Variants in PDE8B observed in about 807,000 individuals in gnomAD.
PDE8B encodes the protein high affinity cAMP-specific and IBMX-insensitive 3',5'-cyclic phosphodiesterase 8B.
Under a neutral mutation model 101.3 loss-of-function variants are expected in PDE8B, and 26 were observed. The observed-to-expected ratio is 0.26, with a 90% CI of 0.19 to 0.36. The LOEUF (loss-of-function observed/expected upper bound fraction) is 0.36, where lower values mean the gene tolerates loss of function less well. PDE8B is among the 10% of genes least tolerant of loss of function. The pLI is 1.00. For synonymous variants in PDE8B, 424 were observed against 429.3 expected (o/e 0.99, Z 0.15); for missense variants, 810 against 1,163.1 (o/e 0.70, Z 4.42).
the PDE8B span, among the ~76,000 whole-genome samples, chr5:77,135,546 G>A: frequency 8.8e-4 from 129 of 145,942 alleles, 4 homozygotes; most frequent in South Asian, 0.027. Flanking sequence ...GCACGATCTC[G>A]GCTCATTGCA....
the PDE8B span, among the ~76,000 whole-genome samples, chr5:77,161,294 T>C: frequency 1.2e-4 from 19 of 152,342 alleles, no homozygotes; most frequent in African/African-American, 4.3e-4. Flanking sequence ...TGAAATAATA[T>C]AATACATACT....
intron 1 of PDE8B, among the ~76,000 whole-genome samples, chr5:77,216,928 G>C (rs1480886345): frequency 2.6e-5 from 4 of 152,178 alleles, no homozygotes; most frequent in Non-Finnish European, 5.9e-5. Flanking sequence ...CAGGCAATAA[G>C]AGATGTTCAG....
chr5:77,248,040 G>C (rs541716627), intron 1 of PDE8B, among the ~76,000 whole-genome samples: 1 of 152,236 alleles, frequency 6.6e-6, no homozygotes, highest in Non-Finnish European at 1.5e-5. Flanking sequence ...AGCCAGGCCT[G>C]TTCATCCCCC....
At chr5:77,208,585 C>T (rs1747695548), upstream of PDE8B, among the ~76,000 whole-genome samples, 1 of 152,200 alleles carries the variant, frequency 6.6e-6, no homozygotes, top group Non-Finnish European at 1.5e-5. Context: ...ATATCTCAGT[C>T]TCAGCCATTT....
intron 11 of PDE8B, among the ~76,000 whole-genome samples, chr5:77,402,382 G>C (rs1057100358): frequency 3.9e-5 from 6 of 152,096 alleles, no homozygotes; most frequent in Admixed American, 1.3e-4. Flanking sequence ...TTAAGATAAG[G>C]TGCTATAGCT....
chr5:77,183,932 A>C, the PDE8B span, among the ~76,000 whole-genome samples: 1 of 151,694 alleles, frequency 6.6e-6, no homozygotes, highest in East Asian at 1.9e-4. Context: ...GGGTGGAATT[A>C]TTATGTGAAA....
Position 77,211,364 on chromosome 5 carries a change from G to A in PDE8B, c.339+100G>A, listed in dbSNP as rs541188344. On this transcript the variant is annotated intron_variant, in intron 1 of 21. Transcript: ENST00000264917. The surrounding 1 kb of genome is among the most constrained non-coding windows in gnomAD (Gnocchi z 4.1). Reference sequence around the variant, plus strand: ...CGGCGGAGTTGGGTGACCGTGAGGCGGTTGGTTTGGAGAGGTTGTCACTAA... The same window carrying A: ...CGGCGGAGTTGGGTGACCGTGAGGCAGTTGGTTTGGAGAGGTTGTCACTAA... The A allele has an allele frequency of 2.6e-6, 3 of 1,174,426 alleles. No individual in the cohort carries two copies. In the East Asian group the frequency reaches 8.4e-5, roughly 33 times the overall value. The allele number at this position is 1,174,426 out of a possible 1,614,324, so 72.8% of individuals were successfully genotyped here. A position where few individuals can be genotyped will look rare whatever the true frequency, so the allele number is the denominator to read the frequency against.
chr5:77,300,581 A>G lies in PDE8B; in HGVS notation c.340-11413A>G, dbSNP rs137856861. 2.1e-3 allele frequency among the ~76,000 whole-genome samples: 315 copies of G among 152,300 alleles called. 1 individual carries two copies. Among genetic ancestry groups the G allele is most frequent in the Non-Finnish European group, 3.3e-3 (222 of 68,026 alleles). ...TTCAAAAATAATACAAGGAAGAAAT[A>G]TAGTTCCTTGGGTGTTGCCTCGTTG... On this transcript the variant is annotated intron_variant, in intron 1 of 21. Coordinates refer to ENST00000264917, the MANE Select transcript of PDE8B (RefSeq NM_003719.5).
Position 77,355,309 on chromosome 5 carries a change from A to T in PDE8B, c.1167+1903A>T, listed in dbSNP as rs555114234. On this transcript the variant is annotated intron_variant, in intron 10 of 21. Coordinates refer to ENST00000264917, the MANE Select transcript of PDE8B (RefSeq NM_003719.5). ...TTGACGTCACCTAATGGTACTGCAC[A>T]GGCCTGGAGAGACATTTAGATTTTC... Among the ~76,000 whole-genome samples the T allele has an allele frequency of 2.6e-5, 4 of 152,350 alleles. No individual in the cohort carries two copies. In the East Asian group the frequency reaches 7.7e-4, roughly 29 times the overall value.
chr5:77,183,366 C>T, the PDE8B span, among the ~76,000 whole-genome samples: 1 of 152,148 alleles, frequency 6.6e-6, no homozygotes. Context: ...GATCCACCCG[C>T]CTCGGCCTCC....
At chr5:77,381,684 T>C (rs1372521261) in intron 10 of PDE8B, among the ~76,000 whole-genome samples, 1 of 152,168 alleles carries the variant, frequency 6.6e-6, no homozygotes, top group Non-Finnish European at 1.5e-5. Flanking sequence ...ATATTGTTTT[T>C]AGGGTTTTCT....
the PDE8B span, chr5:77,100,289 A>G: frequency 6.6e-6 from 1 of 152,178 alleles, no homozygotes; most frequent in South Asian, 2.1e-4. Flanking sequence ...TACTTCACTT[A>G]GCTCCGCATT....
intron 10 of PDE8B, among the ~76,000 whole-genome samples, chr5:77,362,937 A>G (rs1783399575): frequency 6.6e-6 from 1 of 152,156 alleles, no homozygotes; most frequent in African/African-American, 2.4e-5. Flanking sequence ...ATCACTGCTC[A>G]GCCTGACCAG....
At chr5:77,421,566 T>C (rs1422054996) in intron 19 of PDE8B, among the ~76,000 whole-genome samples, 2 of 151,338 alleles carry the variant, frequency 1.3e-5, no homozygotes, top group African/African-American at 4.8e-5. Flanking sequence ...AGACAGGTGG[T>C]GACAGGGACT....
intron 13 of PDE8B, among the ~76,000 whole-genome samples, chr5:77,407,814 A>G (rs577863636): frequency 6.6e-6 from 1 of 152,332 alleles, no homozygotes; most frequent in Admixed American, 6.5e-5. Flanking sequence ...AAGCATTGCA[A>G]TGGGCGAAGA....
Position 77,427,548 on chromosome 5 carries a change from A to G in PDE8B, c.*994A>G, listed in dbSNP as rs1412717758. 2 of 152,210 alleles carry G rather than the reference A, an allele frequency of 1.3e-5. No individual in the cohort carries two copies. Among genetic ancestry groups the G allele is most frequent in the Non-Finnish European group, 2.9e-5 (2 of 68,034 alleles). The allele number at this position is 152,210 out of a possible 1,614,324, so 9.4% of individuals were successfully genotyped here. ...GGATAGGGGAAGTTTCAAGGTTCAGATATTTTTAACCAGTCTATATTTGAA... is the reference window on the plus strand; with the variant it reads ...GGATAGGGGAAGTTTCAAGGTTCAGGTATTTTTAACCAGTCTATATTTGAA... On this transcript the variant is annotated 3_prime_UTR_variant, in exon 22 of 22. Transcript: ENST00000264917.
At chr5:77,337,413 AG>A (rs1461557788) in intron 6 of PDE8B, 98 bp downstream of exon 6, 2 of 745,428 alleles carry the variant, frequency 2.7e-6, no homozygotes, top group African/African-American at 3.5e-5. Flanking sequence ...GCTGAATCCC[AG>A]GGATTTTGAA....
chr5:77,205,954 C>G (rs1477647941), upstream of PDE8B, among the ~76,000 whole-genome samples: 1 of 152,076 alleles, frequency 6.6e-6, no homozygotes, highest in East Asian at 1.9e-4. Context: ...CAACTTTGTA[C>G]AAATTATTAT....
At chr5:77,388,188 G>A (rs941561696) in intron 10 of PDE8B, among the ~76,000 whole-genome samples, 5 of 152,252 alleles carry the variant, frequency 3.3e-5, no homozygotes, top group South Asian at 4.1e-4. Flanking sequence ...GCCTTTTTGC[G>A]CTGGTGTCTC....
Sources: gnomAD v4.1 joint callset for allele counts (sites outside exome capture counted in the v4.1 genomes callset) on GRCh38, gnomAD v4.1.1 for gene constraint, Gnocchi (gnomAD v3.1) non-coding constraint, MANE v1.5 for transcripts, NCBI Gene and HGNC (gene_info 2026-07-23, HGNC 2026-07-21) for gene names.